ZNF740: variants seen among roughly 807,000 people sequenced by gnomAD.
The protein encoded by ZNF740 is oriLyt TD-element-binding protein 7.
In ZNF740, 14 loss-of-function variants were observed where a neutral mutation model predicts 24.8. The observed-to-expected ratio is 0.56, with a 90% CI of 0.37 to 0.88. The LOEUF (loss-of-function observed/expected upper bound fraction) is 0.88. Among genes scored for constraint, ZNF740 ranks in the 40% least tolerant of loss-of-function variants. The pLI is 0.00. For missense variants in ZNF740, 201 were observed against 247.9 expected (o/e 0.81, Z 1.27); for synonymous variants, 69 against 84.0 (o/e 0.82, Z 0.98).
chr12:53,181,386 C>T (rs191858973), intron 1 of ZNF740: 2 of 985,466 alleles, frequency 2.0e-6, no homozygotes, highest in Middle Eastern at 5.2e-4. Flanking sequence ...GCACAAAAGC[C>T]CCAAAGGGTC....
intron 2 of ZNF740, among the ~76,000 whole-genome samples, chr12:53,184,194 T>C (rs1028436272): frequency 6.7e-5 from 10 of 148,690 alleles, no homozygotes; most frequent in Non-Finnish European, 5.9e-5. Flanking sequence ...TGTGTGTGTG[T>C]GTGTGTGAGT....
At chr12:53,185,741 A>T (rs903940150) in intron 4 of ZNF740, among the ~76,000 whole-genome samples, 9 of 152,208 alleles carry the variant, frequency 5.9e-5, no homozygotes, top group Non-Finnish European at 1.3e-4. Flanking sequence ...AGTCATACTC[A>T]GACTGCTGGG....
chr12:53,180,771 A>T lies in ZNF740; in HGVS notation c.-374A>T. The T allele has an allele frequency of 7.9e-7, 1 of 1,273,002 alleles. No individual in the cohort carries two copies. The highest frequency in any genetic ancestry group is 1.0e-6 in the Non-Finnish European group (1 of 981,976). 78.9% of individuals were successfully genotyped at this position (1,273,002 alleles called of 1,614,324 possible). A position where few individuals can be genotyped will look rare whatever the true frequency, so the allele number is the denominator to read the frequency against. ...GGGCAGCCGCGGCGGTGGGGTTGGCAGGGTGTGCTGGGGCCTGGAGGAGGC... is the reference window on the plus strand; with the variant it reads ...GGGCAGCCGCGGCGGTGGGGTTGGCTGGGTGTGCTGGGGCCTGGAGGAGGC... On this transcript the variant is annotated 5_prime_UTR_variant, in exon 1 of 7. Transcript: ENST00000416904.
chr12:53,186,240 T>G, intron 5 of ZNF740, 151 bp from the exon 6 acceptor site: 1 of 1,133,260 alleles, frequency 8.8e-7, no homozygotes, highest in Non-Finnish European at 1.2e-6. Context: ...GTATCTGGTG[T>G]CACTGAGACC....
Position 53,194,221 on chromosome 12 carries a change from T to A in ZNF740, c.*6631T>A. ...ACCGTCTGGTTGATTCGGACGTGGT[T>A]GCACTGTCCTCGATCCTCAGCCTTA... On this transcript the variant is annotated 3_prime_UTR_variant, in exon 7 of 7. Transcript: ENST00000416904. 6.2e-7 allele frequency: 1 copy of A among 1,614,110 alleles called. No homozygotes were observed. Among genetic ancestry groups the A allele is most frequent in the Non-Finnish European group, 8.5e-7 (1 of 1,180,002 alleles).
chr12:53,186,358 C>T (rs1195813873), intron 5 of ZNF740, 33 bp from the exon 6 acceptor site: 2 of 1,530,174 alleles, frequency 1.3e-6, no homozygotes, highest in Non-Finnish European at 1.8e-6. Flanking sequence ...GTACATACCT[C>T]CCCACATTCA....
In ZNF740 at chr12:53,192,608, C is replaced by T; in HGVS notation, c.*5018C>T. The T allele has an allele frequency of 1.3e-6, 2 of 1,598,886 alleles. No individual in the cohort carries two copies. The highest frequency in any genetic ancestry group is 2.2e-5 in the South Asian group (2 of 90,704). ...CCAATGCCCCTTGCCCAACTACAAG[C>T]AGGACGGAGAGTAGGCAGATGGGAG... On this transcript the variant is annotated 3_prime_UTR_variant, in exon 7 of 7. Coordinates refer to ENST00000416904, the MANE Select transcript of ZNF740 (RefSeq NM_001004304.4).
chr12:53,193,919 T>C lies in ZNF740; in HGVS notation c.*6329T>C, dbSNP rs746182058. The stretch of plus-strand genomic sequence containing the variant: ...AAAGTCACCTGAGAAGAGGCAGGAA[T>C]CAGGCCATGGTTATACACATGCACA... On this transcript the variant is annotated 3_prime_UTR_variant, in exon 7 of 7. Transcript: ENST00000416904. 2 of 1,605,386 alleles carry C rather than the reference T, an allele frequency of 1.2e-6. No individual in the cohort carries two copies. The highest frequency in any genetic ancestry group is 8.5e-7 in the Non-Finnish European group (1 of 1,175,246).
At chr12:53,186,176 A>G in intron 5 of ZNF740, 99 bp downstream of exon 5, 2 of 1,437,304 alleles carry the variant, frequency 1.4e-6, no homozygotes, top group Non-Finnish European at 1.9e-6. Flanking sequence ...ATGGGTAAGT[A>G]TTAGAAATGA....
Position 53,188,848 on chromosome 12 carries a change from C to T in ZNF740, c.*1258C>T, listed in dbSNP as rs1372538654. On this transcript the variant is annotated 3_prime_UTR_variant, in exon 7 of 7. Coordinates refer to ENST00000416904, the MANE Select transcript of ZNF740 (RefSeq NM_001004304.4). Reference sequence around the variant, plus strand: ...ACCATATTCTTTGCTCCTCTCTGCTCCAATACCACCACCTTGTCCACTCCC... The same window carrying T: ...ACCATATTCTTTGCTCCTCTCTGCTTCAATACCACCACCTTGTCCACTCCC... The T allele has an allele frequency of 4.6e-5, 7 of 152,154 alleles. No individual in the cohort carries two copies. Among genetic ancestry groups the T allele is most frequent in the African/African-American group, 1.7e-4 (7 of 41,410 alleles). The allele number at this position is 152,154 out of a possible 1,614,324, so 9.4% of individuals were successfully genotyped here.
In ZNF740 at chr12:53,191,014, C is replaced by T. The variant is rs1379783762; in HGVS notation, c.*3424C>T. On this transcript the variant is annotated 3_prime_UTR_variant, in exon 7 of 7. Coordinates refer to ENST00000416904, the MANE Select transcript of ZNF740 (RefSeq NM_001004304.4). ...AGGAACAAGCAAGTAGGAGCAAAAA[C>T]AGGGCATCAGTTCTGAGCAAGACGA... 1 of 160,320 alleles carries T rather than the reference C, an allele frequency of 6.2e-6. No individual in the cohort carries two copies. 9.9% of individuals were successfully genotyped at this position (160,320 alleles called of 1,614,324 possible).
rs1294780394 is a variant in ZNF740 at position 53,180,734 on chromosome 12, C to T, written c.-411C>T. 1.6e-6 allele frequency: 2 copies of T among 1,263,860 alleles called. No individual in the cohort carries two copies. The highest frequency in any genetic ancestry group is 6.4e-5 in the East Asian group (1 of 15,732). The allele number at this position is 1,263,860 out of a possible 1,614,324, so 78.3% of individuals were successfully genotyped here. ...GGGGTTGGTGTTTGTAAACTTGCCTCGGTCCCGGTGGGGGCAGCCGCGGCG... is the reference window on the plus strand; with the variant it reads ...GGGGTTGGTGTTTGTAAACTTGCCTTGGTCCCGGTGGGGGCAGCCGCGGCG... On this transcript the variant is annotated 5_prime_UTR_variant, in exon 1 of 7. Transcript: ENST00000416904.
chr12:53,184,152 C>CGCGCGCGT (rs1941772362), intron 2 of ZNF740, among the ~76,000 whole-genome samples: 1 of 42,288 alleles, frequency 2.4e-5, no homozygotes, highest in African/African-American at 8.7e-5. Flanking sequence ...TGTGTGTGTG[C>CGCGCGCGT]GCGCGCGCGC....
rs1458235583 is a variant in ZNF740, at chr12:53,193,760, G to A, written c.*6170G>A. 6.2e-7 allele frequency: 1 copy of A among 1,614,052 alleles called. No individual in the cohort carries two copies. The highest frequency in any genetic ancestry group is 8.5e-7 in the Non-Finnish European group (1 of 1,179,980). Reference sequence around the variant, plus strand: ...TGGCCATCACTGCAGTGGGGAGCCTGGGGCTGGGTGTCACTGCAATTACAG... The same window carrying A: ...TGGCCATCACTGCAGTGGGGAGCCTAGGGCTGGGTGTCACTGCAATTACAG... On this transcript the variant is annotated 3_prime_UTR_variant, in exon 7 of 7. Transcript: ENST00000416904.
In ZNF740 at chr12:53,188,082, A is replaced by C. The variant is rs1460960237; in HGVS notation, c.*492A>C. ...CTATAGCTGGTCCAGCTCTCCCCAA[A>C]AATTGGGTTTTTAGTTGCAGTAGCT... On this transcript the variant is annotated 3_prime_UTR_variant, in exon 7 of 7. Transcript: ENST00000416904. 6.2e-6 allele frequency: 1 copy of C among 160,236 alleles called. No individual in the cohort carries two copies. The allele number at this position is 160,236 out of a possible 1,614,324, so 9.9% of individuals were successfully genotyped here.
In ZNF740 at chr12:53,192,672, G is replaced by A. The variant is rs751166511; in HGVS notation, c.*5082G>A. ...CCCACTGTGCCCCTGCTCCCAAGAT[G>A]CAAGACCTGAGGCCTCACCGGTGTC... is the stretch of plus-strand genomic sequence containing the variant. On this transcript the variant is annotated 3_prime_UTR_variant, in exon 7 of 7. Coordinates refer to ENST00000416904, the MANE Select transcript of ZNF740 (RefSeq NM_001004304.4). 3.7e-6 allele frequency: 6 copies of A among 1,609,474 alleles called. No homozygotes were observed. The East Asian group carries it at 1.1e-4, about 30-fold the overall frequency.
At chr12:53,181,031 G>C (rs1369144824) in intron 1 of ZNF740, 194 bp downstream of exon 1, 1 of 869,286 alleles carries the variant, frequency 1.2e-6, no homozygotes, top group African/African-American at 1.9e-5. Context: ...GCGTCCCGCC[G>C]CGTCCCCGGC....
chr12:53,195,051 A>T lies in ZNF740; in HGVS notation c.*7461A>T. On this transcript the variant is annotated 3_prime_UTR_variant, in exon 7 of 7. Coordinates refer to ENST00000416904, the MANE Select transcript of ZNF740 (RefSeq NM_001004304.4). ...ATAGGGATGGTAACAGTTATGAAGC[A>T]AGGCTTTTGGCAGGGTTAAATGAAG... The T allele has an allele frequency of 3.2e-6, 1 of 310,960 alleles. No homozygotes were observed. Among genetic ancestry groups the T allele is most frequent in the Non-Finnish European group, 6.1e-6 (1 of 164,446 alleles). 19.3% of individuals were successfully genotyped at this position (310,960 alleles called of 1,614,324 possible).
At chr12:53,186,231 T>C (rs1941818022) in intron 5 of ZNF740, among the ~76,000 whole-genome samples, 154 bp downstream of exon 5, 1 of 152,202 alleles carries the variant, frequency 6.6e-6, no homozygotes, top group African/African-American at 2.4e-5. Context: ...CATGGCTTTG[T>C]ATCTGGTGTC....
Sources: gnomAD v4.1 joint callset for allele counts (sites outside exome capture counted in the v4.1 genomes callset) on GRCh38, gnomAD v4.1.1 for gene constraint, MANE v1.5 for transcripts, NCBI Gene and HGNC (gene_info 2026-07-23, HGNC 2026-07-21) for gene names.